Variants in PSG6 observed in about 807,000 individuals in gnomAD.
PSG6 encodes pregnancy specific beta-1-glycoprotein 6.
Under a neutral mutation model 43.3 loss-of-function variants are expected in PSG6, and 51 were observed. The ratio of observed to expected loss-of-function variants is 1.18; its 90% confidence interval spans 0.94 to 1.49. The LOEUF is 1.49. PSG6 is among the 40% of genes most tolerant of loss of function. PSG6 has a pLI of 0.00. For synonymous variants in PSG6, 292 were observed against 197.6 expected (o/e 1.48, Z -4.01); for missense variants, 770 against 522.2 (o/e 1.47, Z -4.62).
At chr19:42,912,983 A>T (rs1162823976) in intron 2 of PSG6, among the ~76,000 whole-genome samples, 1 of 151,678 alleles carries the variant, frequency 6.6e-6, no homozygotes, top group African/African-American at 2.4e-5. Flanking sequence ...CTATTGTCAA[A>T]ACAAAATATT....
chr19:42,914,793 G>A (rs571120572), intron 2 of PSG6, among the ~76,000 whole-genome samples: 1 of 151,762 alleles, frequency 6.6e-6, no homozygotes, highest in African/African-American at 2.4e-5. Flanking sequence ...CACTGGGCCT[G>A]TGCTGAGGCA....
chr19:42,912,537 T>C lies in PSG6; in HGVS notation c.428-1679A>G, dbSNP rs1383425389. Among the ~76,000 whole-genome samples, 4 of 151,738 alleles carry C rather than the reference T, an allele frequency of 2.6e-5. 1 individual carries two copies. The highest frequency in any genetic ancestry group is 1.3e-4 in the Admixed American group (2 of 15,202). On this transcript the variant is annotated intron_variant, in intron 2 of 5. Coordinates refer to ENST00000187910, the MANE Select transcript of PSG6 (RefSeq NM_001031850.4). Reference sequence around the variant, plus strand: ...GTCCTGTTAAAAGGACCGAACTGGTTAGTGTGTCAATTACATAAAAGGAGG... The same window carrying C: ...GTCCTGTTAAAAGGACCGAACTGGTCAGTGTGTCAATTACATAAAAGGAGG...
In PSG6 at chr19:42,910,443, C is replaced by T. The variant is rs149731187; in HGVS notation, c.706+137G>A. ...TAGGCCTACTCTGGTTTGCCTGGAGCAGAAAGTCATGGCCAGCTTTGATGT... is the reference window on the plus strand; with the variant it reads ...TAGGCCTACTCTGGTTTGCCTGGAGTAGAAAGTCATGGCCAGCTTTGATGT... On this transcript the variant is annotated intron_variant, in intron 3 of 5. Transcript: ENST00000187910. The T allele has an allele frequency of 6.5e-5, 105 of 1,603,620 alleles. 1 individual carries two copies. The East Asian group carries it at 2.0e-3, about 30-fold the overall frequency.
chr19:42,908,728 G>A (rs1367461788), intron 3 of PSG6, among the ~76,000 whole-genome samples: 1 of 151,772 alleles, frequency 6.6e-6, no homozygotes, highest in East Asian at 1.9e-4. Flanking sequence ...AGTCCTCATG[G>A]ACCATGTGTG....
chr19:42,902,642 T>G (rs1972053033), intron 5 of PSG6, among the ~76,000 whole-genome samples, 196 bp from the exon 6 acceptor site: 1 of 151,664 alleles, frequency 6.6e-6, no homozygotes, highest in Non-Finnish European at 1.5e-5. Flanking sequence ...CATTGGTACC[T>G]AAAACTTCTT....
chr19:42,903,408 A>T (rs368585736), intron 5 of PSG6, among the ~76,000 whole-genome samples: 4 of 151,516 alleles, frequency 2.6e-5, no homozygotes, highest in African/African-American at 9.7e-5. Context: ...AACAAACTAA[A>T]CCCAAGCACA....
intron 5 of PSG6, among the ~76,000 whole-genome samples, chr19:42,904,220 T>A (rs1306064386): frequency 6.6e-6 from 1 of 151,644 alleles, no homozygotes; most frequent in African/African-American, 2.4e-5. Context: ...GACTGAAAAC[T>A]TTCCCTGTAT....
chr19:42,914,565 A>G (rs1600549066), intron 2 of PSG6, among the ~76,000 whole-genome samples: 1 of 149,524 alleles, frequency 6.7e-6, no homozygotes, highest in Non-Finnish European at 1.5e-5. Flanking sequence ...CCGGTGGCCA[A>G]AGAACTTCAG....
chr19:42,914,298 G>T lies in PSG6; in HGVS notation c.427+1827C>A, dbSNP rs1292315831. 1.6e-4 allele frequency among the ~76,000 whole-genome samples: 24 copies of T among 151,582 alleles called. 1 individual carries two copies. The highest frequency in any genetic ancestry group is 5.1e-4 in the African/African-American group (21 of 41,334). ...TTCCTGGGAGGTGGGCCAGGCCACA[G>T]TGTTAGCGGGAAGGGAACAGAACAG... On this transcript the variant is annotated intron_variant, in intron 2 of 5. Transcript: ENST00000187910.
chr19:42,916,051 C>T, intron 2 of PSG6, 74 bp downstream of exon 2: 2 of 1,596,894 alleles, frequency 1.3e-6, no homozygotes, highest in South Asian at 2.3e-5. Context: ...GAGTCCAGGC[C>T]TGACAATTCT....
intron 5 of PSG6, 42 bp downstream of exon 5, chr19:42,906,880 C>T: frequency 6.2e-7 from 1 of 1,611,680 alleles, no homozygotes; most frequent in African/African-American, 1.3e-5. Flanking sequence ...CAGATAGACT[C>T]CACCTAAAAC....
At chr19:42,917,254 C>T (rs1286663778) in intron 1 of PSG6, among the ~76,000 whole-genome samples, 9 of 151,434 alleles carry the variant, frequency 5.9e-5, no homozygotes, top group South Asian at 2.1e-4. Flanking sequence ...TTACCAATTC[C>T]GGTTCAATGT....
In PSG6 at chr19:42,914,479, G is replaced by T. The variant is rs1363717530; in HGVS notation, c.427+1646C>A. Among the ~76,000 whole-genome samples, 7 of 144,034 alleles carry T rather than the reference G, an allele frequency of 4.9e-5. 1 individual carries two copies. In the East Asian group the frequency reaches 1.6e-3, roughly 33 times the overall value. 94.5% of individuals were successfully genotyped at this position (144,034 alleles called of 152,430 possible). A position where few individuals can be genotyped will look rare whatever the true frequency, so the allele number is the denominator to read the frequency against. On this transcript the variant is annotated intron_variant, in intron 2 of 5. Transcript: ENST00000187910. ...CACCATGGCAGTGAGCAGTGAGGGA[G>T]ACACTGACTTCAAAAACCCCAGGGA...
intron 2 of PSG6, among the ~76,000 whole-genome samples, chr19:42,911,846 A>G (rs952146259): frequency 2.6e-5 from 4 of 151,524 alleles, no homozygotes; most frequent in African/African-American, 9.7e-5. Flanking sequence ...TGTACCTCAT[A>G]TCAGTGGATT....
rs374357654 is a variant in PSG6 at position 42,907,613 on chromosome 19, A to G, written c.948T>C (p.Gly316=). 5.8e-5 allele frequency: 93 copies of G among 1,611,932 alleles called. 4 individuals carry two copies. Among genetic ancestry groups the G allele is most frequent in the East Asian group, 2.7e-4 (12 of 44,788 alleles). Residue 316 remains glycine (G), a synonymous_variant, in exon 4 of 6, where the codon GGT becomes GGC. Coordinates refer to ENST00000187910, the MANE Select transcript of PSG6 (RefSeq NM_001031850.4). ...PYQCEIRDRY[G]GIRSNPVTLN... is the part of the protein sequence containing the mutation. ...GGGTGACTGGGTTACTGCGGATGCC[A>G]CCATATCGGTCCCGTATTTCACATT...
In PSG6 at chr19:42,902,427, C is replaced by G. The variant is rs762189583; in HGVS notation, c.1260G>C (p.Gln420His). The G allele has an allele frequency of 1.2e-6, 2 of 1,611,240 alleles. No homozygotes were observed. Among genetic ancestry groups the G allele is most frequent in the Non-Finnish European group, 1.7e-6 (2 of 1,178,394 alleles). The stretch of plus-strand genomic sequence containing the variant: ...GTGGCAGCCATTAATGAGACTCTGT[C>G]TGGTTTCCATGGCAGGGACCTGATT... Reference protein sequence around the residue: ...VKVSGPCHGNQTESH With the variant: ...VKVSGPCHGNHTESH The change falls in exon 6 of 6, where the codon CAG (glutamine) becomes CAC (histidine). Residue 420 changes from glutamine (Q) to histidine (H), a missense_variant. Physicochemically the swap from Gln to His is conservative, Grantham distance 24. Coordinates refer to ENST00000187910, the MANE Select transcript of PSG6 (RefSeq NM_001031850.4).
chr19:42,916,408 C>A lies in PSG6; in HGVS notation c.144G>T (p.Gly48=). 1 of 1,612,074 alleles carries A rather than the reference C, an allele frequency of 6.2e-7. No individual in the cohort carries two copies. Among genetic ancestry groups the A allele is most frequent in the South Asian group, 1.1e-5 (1 of 90,608 alleles). Residue 48 remains glycine (G), a synonymous_variant, in exon 2 of 6, where the codon GGG becomes GGT. Transcript: ENST00000187910. ...IEAKPPKVSE[G]KDVLLLVHNL... ...TGTGGACAAGTAGAAGAACATCCTT[C>A]CCCTCGGAAACTTTGGGTGGCTTGG...
intron 3 of PSG6, chr19:42,910,354 A>G (rs1381121563): frequency 2.6e-6 from 3 of 1,149,276 alleles, no homozygotes; most frequent in Non-Finnish European, 3.7e-6. Flanking sequence ...CTTCCATCAC[A>G]AGCTGTGGAA....
Position 42,917,710 on chromosome 19 carries a change from C to T in PSG6, c.64+19G>A, listed in dbSNP as rs1441199689. 1 of 1,608,538 alleles carries T rather than the reference C, an allele frequency of 6.2e-7. No homozygotes were observed. The highest frequency in any genetic ancestry group is 8.5e-7 in the Non-Finnish European group (1 of 1,176,826). On this transcript the variant is annotated intron_variant, in intron 1 of 5. Coordinates refer to ENST00000187910, the MANE Select transcript of PSG6 (RefSeq NM_001031850.4). ...TCTGCTTCCTCCTCCTGTCCTCTCCCAGGAAGTCCTCTCCTCACCTGTGAG... is the reference window on the plus strand; with the variant it reads ...TCTGCTTCCTCCTCCTGTCCTCTCCTAGGAAGTCCTCTCCTCACCTGTGAG...
Sources: allele counts gnomAD v4.1 joint callset (sites outside exome capture counted in the v4.1 genomes callset), GRCh38; gene constraint gnomAD v4.1.1; transcripts MANE v1.5; gene names NCBI Gene and HGNC (gene_info 2026-07-23, HGNC 2026-07-21).